The following SIK3 variants were observed in gnomAD, a reference collection of about 807,000 sequenced individuals.
SIK3 encodes the protein SIK family kinase 3, also known as serine/threonine-protein kinase SIK3.
In SIK3, 28 loss-of-function variants were observed where a neutral mutation model predicts 144.2. That is an observed-to-expected ratio of 0.19 (90% confidence interval 0.14 to 0.27). The LOEUF (loss-of-function observed/expected upper bound fraction) is 0.27. Ranked by LOEUF, SIK3 falls within the 10% of genes least tolerant of loss-of-function variation. SIK3 has a pLI of 1.00. For synonymous variants in SIK3, 686 were observed against 676.3 expected (o/e 1.01, Z -0.22); for missense variants, 1,319 against 1,776.0 (o/e 0.74, Z 4.62).
At chr11:116,965,871 G>A (rs928381657) in intron 1 of SIK3, among the ~76,000 whole-genome samples, 5 of 149,084 alleles carry the variant, frequency 3.4e-5, no homozygotes, top group Non-Finnish European at 7.4e-5. Context: ...GGAGGTGGAG[G>A]TTGCAGTGAG....
rs1467616653 is a variant in SIK3, at chr11:116,873,274, A to G, written c.1737+207T>C. On this transcript the variant is annotated intron_variant, in intron 13 of 24. Transcript: ENST00000445177. Reference sequence around the variant, plus strand: ...GCTCTCCAGGAGTGGAGTTCAATGTAGAAATAACTTGGCTAAGTAAGTAAG... The same window carrying G: ...GCTCTCCAGGAGTGGAGTTCAATGTGGAAATAACTTGGCTAAGTAAGTAAG... Among the ~76,000 whole-genome samples the G allele has an allele frequency of 2.0e-5, 3 of 152,254 alleles. No individual in the cohort carries two copies. The South Asian group carries it at 6.2e-4, about 31-fold the overall frequency.
At chr11:117,023,619 A>ATAT (rs374740569) in intron 1 of SIK3, among the ~76,000 whole-genome samples, 161 of 99,800 alleles carry the variant, frequency 1.6e-3, no homozygotes, top group South Asian at 6.0e-3. Context: ...CAAAAAAAAA[A>ATAT]AAATATATAT....
At chr11:117,015,073 C>T (rs1426041338) in intron 1 of SIK3, among the ~76,000 whole-genome samples, 3 of 151,992 alleles carry the variant, frequency 2.0e-5, no homozygotes, top group African/African-American at 4.8e-5. Context: ...CCAAAATACA[C>T]AAAAGTTTTT....
chr11:116,951,593 C>T (rs1229518049), intron 3 of SIK3, among the ~76,000 whole-genome samples: 1 of 151,918 alleles, frequency 6.6e-6, no homozygotes, highest in Non-Finnish European at 1.5e-5. Flanking sequence ...TTGTTCATCC[C>T]TTGAGGTACA....
chr11:116,850,485 T>C (rs11216161), intron 21 of SIK3, among the ~76,000 whole-genome samples: 119,233 of 152,180 alleles, frequency 0.78, 47,396 homozygotes, highest in Non-Finnish European at 0.84. Flanking sequence ...ATGCTATTGT[T>C]TTTATTAAAC....
At chr11:116,898,101 T>A (rs1041641621) in intron 4 of SIK3, among the ~76,000 whole-genome samples, 3 of 151,892 alleles carry the variant, frequency 2.0e-5, no homozygotes, top group African/African-American at 7.3e-5. Context: ...ATTAGGTATA[T>A]CTCCCAATGC....
chr11:117,028,428 A>T (rs377437009), intron 1 of SIK3, among the ~76,000 whole-genome samples: 21 of 152,138 alleles, frequency 1.4e-4, no homozygotes, highest in African/African-American at 4.3e-4. Flanking sequence ...ATCTAGTATA[A>T]TAGGGACAGC....
intron 3 of SIK3, among the ~76,000 whole-genome samples, chr11:116,932,107 G>T (rs987535835): frequency 6.6e-6 from 1 of 151,862 alleles, no homozygotes; most frequent in East Asian, 1.9e-4. Context: ...TTAACTCTAC[G>T]TTCAAATCAT....
intron 1 of SIK3, among the ~76,000 whole-genome samples, chr11:117,011,753 A>G (rs1951269331): frequency 6.6e-6 from 1 of 152,142 alleles, no homozygotes; most frequent in Admixed American, 6.5e-5. Flanking sequence ...GCTGAGGCAG[A>G]AGGACTGCTT....
intron 15 of SIK3, 107 bp from the exon 16 acceptor site, chr11:116,863,925 T>C (rs1348487091): frequency 1.4e-5 from 16 of 1,167,636 alleles, no homozygotes; most frequent in Non-Finnish European, 1.8e-5. Flanking sequence ...GCTGCCCAGG[T>C]AGCCCTGCAT....
At chr11:117,036,279 T>C (rs78027913) in intron 1 of SIK3, among the ~76,000 whole-genome samples, 5,538 of 152,110 alleles carry the variant, frequency 0.036, 340 homozygotes, top group African/African-American at 0.13. Flanking sequence ...GTAAAGAATA[T>C]GTAACCTGTG....
At chr11:117,044,528 G>A (rs1019086131) in intron 1 of SIK3, among the ~76,000 whole-genome samples, 5 of 151,864 alleles carry the variant, frequency 3.3e-5, no homozygotes, top group Non-Finnish European at 7.4e-5. Flanking sequence ...AAGCCTGCCA[G>A]GAAACAGTAT....
intron 1 of SIK3, among the ~76,000 whole-genome samples, chr11:116,980,283 A>G (rs1272992396): frequency 6.6e-6 from 1 of 152,188 alleles, no homozygotes; most frequent in Admixed American, 6.5e-5. Context: ...AAGGGAGGGA[A>G]CACAGGCTTG....
At chr11:116,862,979 C>T (rs1943432269) in intron 16 of SIK3, among the ~76,000 whole-genome samples, 1 of 151,718 alleles carries the variant, frequency 6.6e-6, no homozygotes, top group Non-Finnish European at 1.5e-5. Flanking sequence ...GATGCTGAGG[C>T]AGGAGAATCT....
chr11:117,017,265 A>G (rs1376675718), intron 1 of SIK3, among the ~76,000 whole-genome samples: 1 of 152,226 alleles, frequency 6.6e-6, no homozygotes, highest in Non-Finnish European at 1.5e-5. Context: ...AAAAAATAAT[A>G]ATAAATAAGA....
chr11:116,959,960 T>C (rs1040567825), intron 1 of SIK3, among the ~76,000 whole-genome samples: 2 of 152,200 alleles, frequency 1.3e-5, no homozygotes, highest in African/African-American at 2.4e-5. Flanking sequence ...TGATAAATGT[T>C]TGGGGTAATG....
At chr11:116,890,357 G>C (rs1945037942) in intron 6 of SIK3, among the ~76,000 whole-genome samples, 1 of 152,198 alleles carries the variant, frequency 6.6e-6, no homozygotes. Context: ...ACAGTAACAG[G>C]AAATGAGACC....
rs1189792694 is a variant in SIK3, at chr11:116,896,264, A to T, written c.854T>A (p.Phe285Tyr). Residue 285 changes from phenylalanine to tyrosine, a missense_variant, in exon 6 of 25, where the codon TTT (phenylalanine) becomes TAT (tyrosine). Phe to Tyr is a conservative substitution (Grantham distance 22). Transcript: ENST00000445177. The part of the protein sequence containing the change: ...VLSGKFRIPF[F>Y]MSTECEHLIR... ...AGCGACTCCCTTACCTGTGGACATAAAAAATGGGATGCGGAACTTTCCACT... is the reference window on the plus strand; with the variant it reads ...AGCGACTCCCTTACCTGTGGACATATAAAATGGGATGCGGAACTTTCCACT... 1 of 1,613,588 alleles carries T rather than the reference A, an allele frequency of 6.2e-7. No individual in the cohort carries two copies. The highest frequency in any genetic ancestry group is 1.3e-5 in the African/African-American group (1 of 74,926).
At chr11:117,011,659 A>G (rs917503627) in intron 1 of SIK3, among the ~76,000 whole-genome samples, 2 of 152,178 alleles carry the variant, frequency 1.3e-5, no homozygotes, top group African/African-American at 2.4e-5. Context: ...AAATTCTGCA[A>G]GGTATAGCTG....
Sources: allele counts gnomAD v4.1 joint callset (sites outside exome capture counted in the v4.1 genomes callset), GRCh38; gene constraint gnomAD v4.1.1; transcripts MANE v1.5; gene names NCBI Gene and HGNC (gene_info 2026-07-23, HGNC 2026-07-21).